GRPEL1: variants seen among roughly 807,000 people sequenced by gnomAD.
GRPEL1 encodes GrpE like 1, mitochondrial, also known as grpE protein homolog 1, mitochondrial.
A neutral mutation model predicts 22.1 loss-of-function variants in GRPEL1; 13 were observed. The ratio of observed to expected loss-of-function variants is 0.59; its 90% CI spans 0.38 to 0.94. The LOEUF (loss-of-function observed/expected upper bound fraction) is 0.94. GRPEL1 is among the 40% of genes least tolerant of loss of function. The probability of loss-of-function intolerance (pLI) is 0.00; values close to 1 mark genes in which losing one functional copy is unlikely to be tolerated. For synonymous variants in GRPEL1, 109 were observed against 105.3 expected (o/e 1.03, Z -0.21); for missense variants, 289 against 264.6 (o/e 1.09, Z -0.64).
intron 1 of GRPEL1, chr4:7,067,599 C>T: frequency 3.2e-6 from 1 of 313,614 alleles, no homozygotes; most frequent in Non-Finnish European, 5.9e-6. Context: ...CTTCTTCAAC[C>T]GCACAAGTTG....
chr4:7,062,255 T>G, intron 3 of GRPEL1, 130 bp downstream of exon 3: 1 of 437,158 alleles, frequency 2.3e-6, no homozygotes, highest in South Asian at 3.8e-5. Flanking sequence ...TAAAAAAAAA[T>G]GCAGGGGATG....
At chr4:7,066,227 G>T (rs1388733011) in intron 1 of GRPEL1, among the ~76,000 whole-genome samples, 1 of 152,226 alleles carries the variant, frequency 6.6e-6, no homozygotes, top group Non-Finnish European at 1.5e-5. Flanking sequence ...CCAGCACACA[G>T]AACTCAGTCA....
rs1175665277 is a variant in GRPEL1, at chr4:7,060,998, T to C, written c.518A>G (p.Tyr173Cys). 2 of 1,614,104 alleles carry C rather than the reference T, an allele frequency of 1.2e-6. No individual in the cohort carries two copies. Among genetic ancestry groups the C allele is most frequent in the Non-Finnish European group, 1.7e-6 (2 of 1,180,042 alleles). ...TGTGTGGAACAAGGCCTCATGTTCA[T>C]AAGGGTCGAACTTGGCTCCGACAGG... ...LNPVGAKFDP[Y>C]EHEALFHTPV... is the part of the protein sequence containing the mutation. The change falls in exon 4 of 4, where the codon TAT becomes TGT. Residue 173 changes from tyrosine to cysteine, a missense_variant. Transcript: ENST00000264954.
rs770370629 is a variant in GRPEL1 at position 7,068,012 on chromosome 4, C to G, written c.21G>C (p.Arg7Ser). 1 of 1,613,040 alleles carries G rather than the reference C, an allele frequency of 6.2e-7. No homozygotes were observed. The highest frequency in any genetic ancestry group is 2.2e-5 in the East Asian group (1 of 44,854). The change falls in exon 1 of 4, where the codon AGG becomes AGC. Residue 7 changes from arginine to serine, a missense_variant. Coordinates refer to ENST00000264954, the MANE Select transcript of GRPEL1 (RefSeq NM_025196.4). ...AAGCAGGAAGACTGCGCCGCGCCAA[C>G]CTCACGCACTGAGCCGCCATGACTG... MAAQCV[R>S]LARRSLPALA... is the part of the protein sequence containing the mutation.
In GRPEL1 at chr4:7,059,725, T is replaced by TAA. The variant is rs1723992002; in HGVS notation, c.*1135_*1136dup. 2.6e-5 allele frequency: 4 copies of TAA among 152,264 alleles called. No homozygotes were observed. Among genetic ancestry groups the TAA allele is most frequent in the Admixed American group, 1.3e-4 (2 of 15,288 alleles). 9.4% of individuals were successfully genotyped at this position (152,264 alleles called of 1,614,324 possible). The stretch of plus-strand genomic sequence containing the variant: ...GCGAAAGGTTCTTTTCTCTTTTTTG[T>TAA]AACAGACGCCAATCATTCAGCCTTT... On this transcript the variant is annotated 3_prime_UTR_variant, in exon 4 of 4. Transcript: ENST00000264954.
chr4:7,063,745 T>C (rs1724096705), intron 2 of GRPEL1, among the ~76,000 whole-genome samples: 1 of 152,242 alleles, frequency 6.6e-6, no homozygotes, highest in East Asian at 1.9e-4. Flanking sequence ...TACTTGCAAT[T>C]TTCTGCTTCC....
At chr4:7,062,509 TA>T (rs766287799) in intron 2 of GRPEL1, 43 bp from the exon 3 acceptor site, 82 of 455,130 alleles carry the variant, frequency 1.8e-4, no homozygotes, top group South Asian at 5.9e-4. Flanking sequence ...TATATATATA[TA>T]TATATCTTTT....
chr4:7,067,992 G>A lies in GRPEL1; in HGVS notation c.41C>T (p.Pro14Leu). 1 of 1,613,464 alleles carries A rather than the reference G, an allele frequency of 6.2e-7. No individual in the cohort carries two copies. The highest frequency in any genetic ancestry group is 8.5e-7 in the Non-Finnish European group (1 of 1,179,930). ...TTACCTGAGAGACAACGCCAAAGCA[G>A]GAAGACTGCGCCGCGCCAACCTCAC... ...QCVRLARRSL[P>L]ALALSLRPSP... is the part of the protein sequence containing the mutation. The change falls in exon 1 of 4, where the codon CCT becomes CTT. Residue 14 changes from proline (P) to leucine (L), a missense_variant. Pro to Leu is a moderately conservative substitution (Grantham distance 98, BLOSUM62 -3). Transcript: ENST00000264954.
intron 1 of GRPEL1, among the ~76,000 whole-genome samples, chr4:7,067,025 T>G (rs746669326): frequency 6.6e-6 from 1 of 152,236 alleles, no homozygotes; most frequent in South Asian, 2.1e-4. Context: ...TGTTAAGATA[T>G]AATTTATTAA....
chr4:7,064,413 T>C, intron 1 of GRPEL1, 190 bp from the exon 2 acceptor site: 1 of 514,414 alleles, frequency 1.9e-6, no homozygotes, highest in Non-Finnish European at 3.4e-6. Flanking sequence ...ATATAAAAGC[T>C]GTAAGTCATA....
rs1034104629 is a variant in GRPEL1 at position 7,059,305 on chromosome 4, G to C, written c.*1557C>G. The C allele has an allele frequency of 6.6e-6, 1 of 152,202 alleles. No individual in the cohort carries two copies. Among genetic ancestry groups the C allele is most frequent in the Non-Finnish European group, 1.5e-5 (1 of 68,028 alleles). 9.4% of individuals were successfully genotyped at this position (152,202 alleles called of 1,614,324 possible). On this transcript the variant is annotated 3_prime_UTR_variant, in exon 4 of 4. Transcript: ENST00000264954. ...TTAAGCTATATTGCCTCTAGGTTAC[G>C]AGTTAAGTGCTTTTTAGCAACTGCA...
intron 1 of GRPEL1, 198 bp from the exon 2 acceptor site, chr4:7,064,421 A>G (rs1724114343): frequency 2.1e-6 from 1 of 479,820 alleles, no homozygotes; most frequent in South Asian, 3.7e-5. Flanking sequence ...GCTGTAAGTC[A>G]TATACAATGT....
In GRPEL1 at chr4:7,059,411, C is replaced by CGGGA. The variant is rs1309781541; in HGVS notation, c.*1447_*1450dup. ...TACTTTTCTTAGCCTCCATTTAACT[C>CGGGA]GGGAGCTCCAGGGGTGATGATGCAC... On this transcript the variant is annotated 3_prime_UTR_variant, in exon 4 of 4. Coordinates refer to ENST00000264954, the MANE Select transcript of GRPEL1 (RefSeq NM_025196.4). The CGGGA allele has an allele frequency of 1.3e-5, 2 of 152,192 alleles. No homozygotes were observed. 9.4% of individuals were successfully genotyped at this position (152,192 alleles called of 1,614,324 possible).
At chr4:7,064,389 A>T in intron 1 of GRPEL1, 166 bp from the exon 2 acceptor site, 1 of 578,122 alleles carries the variant, frequency 1.7e-6, no homozygotes, top group Non-Finnish European at 2.9e-6. Flanking sequence ...GACATATAGA[A>T]GCTATATTAG....
chr4:7,067,239 C>T (rs571551203), intron 1 of GRPEL1, among the ~76,000 whole-genome samples: 2 of 140,764 alleles, frequency 1.4e-5, no homozygotes, highest in East Asian at 4.2e-4. Flanking sequence ...TTTCAAAAAG[C>T]AGAAGGGGCA....
intron 2 of GRPEL1, among the ~76,000 whole-genome samples, chr4:7,062,912 G>A (rs1190734646): frequency 6.6e-6 from 1 of 152,154 alleles, no homozygotes; most frequent in Non-Finnish European, 1.5e-5. Context: ...TAATATCACT[G>A]CCTTTGAGAT....
At chr4:7,062,507 T>C (rs1553880313) in intron 2 of GRPEL1, 41 bp from the exon 3 acceptor site, 1 of 571,308 alleles carries the variant, frequency 1.8e-6, no homozygotes, top group Non-Finnish European at 2.5e-6. Context: ...TATATATATA[T>C]ATATATATCT....
At chr4:7,067,260 GA>G (rs34723634) in intron 1 of GRPEL1, among the ~76,000 whole-genome samples, 33 of 149,474 alleles carry the variant, frequency 2.2e-4, no homozygotes, top group African/African-American at 6.9e-4. Flanking sequence ...GATTTGAGGG[GA>G]AAAAAAAAAA....
rs1724106953 is a variant in GRPEL1 at position 7,064,219 on chromosome 4, A to T, written c.67T>A (p.Ser23Thr). ...GTGGCTGTGCACAACAACCGGGGAGATGGCCTACAGGGAAGTCCACACGTG... is the reference window on the plus strand; with the variant it reads ...GTGGCTGTGCACAACAACCGGGGAGTTGGCCTACAGGGAAGTCCACACGTG... Reference protein sequence around the residue: ...LPALALSLRPSPRLLCTATKQ... With the variant: ...LPALALSLRPTPRLLCTATKQ... The change falls in exon 2 of 4, where the codon TCT (serine) becomes ACT (threonine). Residue 23 changes from serine (S) to threonine (T), a missense_variant. By Grantham distance (58) the Ser-to-Thr change is moderately conservative (BLOSUM62 1). Transcript: ENST00000264954. 6.2e-7 allele frequency: 1 copy of T among 1,611,616 alleles called. No homozygotes were observed. Among genetic ancestry groups the T allele is most frequent in the Non-Finnish European group, 8.5e-7 (1 of 1,178,714 alleles).
Sources: allele counts gnomAD v4.1 joint callset (sites outside exome capture counted in the v4.1 genomes callset), GRCh38; gene constraint gnomAD v4.1.1; transcripts MANE v1.5; gene names NCBI Gene and HGNC (gene_info 2026-07-23, HGNC 2026-07-21).